Variants in PI15 observed in about 807,000 individuals in gnomAD.
The protein encoded by PI15 is 25 kDa trypsin inhibitor.
PI15 carries 18 observed loss-of-function variants against 31.0 expected under a neutral mutation model. The observed-to-expected ratio is 0.58, with a 90% CI of 0.40 to 0.86. The LOEUF (loss-of-function observed/expected upper bound fraction) is 0.86, where lower values mean the gene tolerates loss of function less well. Among genes scored for constraint, PI15 ranks in the 40% least tolerant of loss-of-function variants. The pLI is 0.00. For synonymous variants in PI15, 118 were observed against 119.1 expected, an observed-to-expected ratio of 0.99 and a Z score of 0.06; for missense variants, 282 against 328.1, an observed-to-expected ratio of 0.86 and a Z score of 1.09.
At chr8:74,844,281 T>C (rs1156549367) in intron 3 of PI15, among the ~76,000 whole-genome samples, 182 bp downstream of exon 3, 1 of 152,202 alleles carries the variant, frequency 6.6e-6, no homozygotes, top group Non-Finnish European at 1.5e-5. Flanking sequence ...TTAATTAGGC[T>C]AAAGGGCCAG....
At chr8:74,830,943 T>C (rs974627389) in intron 2 of PI15, among the ~76,000 whole-genome samples, 2 of 152,176 alleles carry the variant, frequency 1.3e-5, no homozygotes, top group East Asian at 3.9e-4. Context: ...AACTCTACAT[T>C]CCTGCTCTCC....
chr8:74,847,381 G>A (rs1490229858), intron 5 of PI15, among the ~76,000 whole-genome samples: 1 of 151,730 alleles, frequency 6.6e-6, no homozygotes, highest in African/African-American at 2.4e-5. Context: ...GGTGGTGGAG[G>A]TTGCAGTGAG....
At chr8:74,827,507 C>T (rs1256481901) in intron 2 of PI15, among the ~76,000 whole-genome samples, 2 of 152,132 alleles carry the variant, frequency 1.3e-5, no homozygotes, top group Admixed American at 6.6e-5. Flanking sequence ...TCACATTCTC[C>T]GTGTGAGGTT....
Position 74,844,076 on chromosome 8 carries a change from A to G in PI15, c.369A>G (p.Gln123=). ...CTTACTTACTGAGATTTTTGGGCCAAAATCTATCTGTACGCACTGGAAGGT... is the reference window on the plus strand; with the variant it reads ...CTTACTTACTGAGATTTTTGGGCCAGAATCTATCTGTACGCACTGGAAGGT... ...GPSYLLRFLG[Q]NLSVRTGRYR... The change falls in exon 3 of 6, where the codon CAA becomes CAG. Residue 123 remains glutamine, a synonymous_variant. Coordinates refer to ENST00000260113, the MANE Select transcript of PI15 (RefSeq NM_015886.5). 1 of 1,549,212 alleles carries G rather than the reference A, an allele frequency of 6.5e-7. No individual in the cohort carries two copies. The highest frequency in any genetic ancestry group is 8.9e-7 in the Non-Finnish European group (1 of 1,120,728).
At chr8:74,841,306 T>C (rs1218394313) in intron 2 of PI15, among the ~76,000 whole-genome samples, 1 of 152,134 alleles carries the variant, frequency 6.6e-6, no homozygotes, top group Non-Finnish European at 1.5e-5. Context: ...CAGGTCTTCC[T>C]TGCTCTGATG....
chr8:74,849,701 G>A lies in PI15; in HGVS notation c.*448G>A, dbSNP rs1413276915. 1 of 152,280 alleles carries A rather than the reference G, an allele frequency of 6.6e-6. No individual in the cohort carries two copies. Among genetic ancestry groups the A allele is most frequent in the Admixed American group, 6.6e-5 (1 of 15,260 alleles). The allele number at this position is 152,280 out of a possible 1,614,324, so 9.4% of individuals were successfully genotyped here. On this transcript the variant is annotated 3_prime_UTR_variant, in exon 6 of 6. Coordinates refer to ENST00000260113, the MANE Select transcript of PI15 (RefSeq NM_015886.5). ...ATATGATTCAGTAGTCAACTTGAGG[G>A]AAATTTTTAAAAAACTATTCTCAAT...
chr8:74,836,483 G>A (rs974210641), intron 2 of PI15, among the ~76,000 whole-genome samples: 1 of 152,260 alleles, frequency 6.6e-6, no homozygotes. Flanking sequence ...AATACCATCA[G>A]CAAATAATTG....
chr8:74,849,082 T>G (rs1433085219), intron 5 of PI15, 36 bp from the exon 6 acceptor site: 4 of 1,594,232 alleles, frequency 2.5e-6, no homozygotes, highest in Non-Finnish European at 3.4e-6. Flanking sequence ...AATGGGTGGG[T>G]TGCACTAATG....
intron 2 of PI15, among the ~76,000 whole-genome samples, chr8:74,841,095 T>C (rs1434755749): frequency 6.6e-6 from 1 of 152,162 alleles, no homozygotes; most frequent in African/African-American, 2.4e-5. Context: ...TTAAAGTTGT[T>C]AAATGCCTTA....
chr8:74,838,523 T>A (rs1810901496), intron 2 of PI15, among the ~76,000 whole-genome samples: 1 of 152,076 alleles, frequency 6.6e-6, no homozygotes, highest in African/African-American at 2.4e-5. Context: ...ACCCAGGTAG[T>A]GAGCATAATG....
intron 5 of PI15, among the ~76,000 whole-genome samples, chr8:74,848,732 T>TATATAGAGAGAGAGAG (rs1191072583): frequency 1.8e-3 from 241 of 136,342 alleles, no homozygotes; most frequent in African/African-American, 6.1e-3. Flanking sequence ...TATATATATA[T>TATATAGAGAGAGAGAG]AGAGAGAGAG....
chr8:74,838,282 T>C (rs910299284), intron 2 of PI15, among the ~76,000 whole-genome samples: 3 of 152,090 alleles, frequency 2.0e-5, no homozygotes, highest in Non-Finnish European at 4.4e-5. Context: ...TATATGCATA[T>C]ATATTTTAAA....
intron 2 of PI15, among the ~76,000 whole-genome samples, chr8:74,826,857 A>G (rs555155940): frequency 4.6e-5 from 7 of 152,220 alleles, no homozygotes; most frequent in African/African-American, 1.7e-4. Context: ...TTCAACAAAC[A>G]TTAGTTTTGA....
At chr8:74,834,272 T>C (rs968725822) in intron 2 of PI15, among the ~76,000 whole-genome samples, 1 of 152,180 alleles carries the variant, frequency 6.6e-6, no homozygotes, top group Non-Finnish European at 1.5e-5. Context: ...GGATTTCATC[T>C]GAGGATATTG....
intron 2 of PI15, among the ~76,000 whole-genome samples, chr8:74,832,837 C>T (rs1328837144): frequency 2.6e-5 from 4 of 152,066 alleles, no homozygotes; most frequent in Non-Finnish European, 4.4e-5. Context: ...CCCAACAAGA[C>T]TAAACTTCTC....
chr8:74,840,828 G>T (rs191241860), intron 2 of PI15, among the ~76,000 whole-genome samples: 4 of 152,260 alleles, frequency 2.6e-5, no homozygotes, highest in Middle Eastern at 3.4e-3. Flanking sequence ...AACACAGTGA[G>T]AGAAAGCAAT....
chr8:74,848,438 A>C (rs1024672476), intron 5 of PI15, among the ~76,000 whole-genome samples: 2 of 151,810 alleles, frequency 1.3e-5, no homozygotes, highest in African/African-American at 4.8e-5. Flanking sequence ...CTTATTACTC[A>C]TTTCATTATT....
At chr8:74,829,620 A>G (rs1292422218) in intron 2 of PI15, among the ~76,000 whole-genome samples, 1 of 152,154 alleles carries the variant, frequency 6.6e-6, no homozygotes, top group Non-Finnish European at 1.5e-5. Flanking sequence ...AAGAAAACAA[A>G]CATTTTTGTC....
rs899942216 is a variant in PI15 at position 74,849,599 on chromosome 8, A to G, written c.*346A>G. 6.4e-5 allele frequency: 11 copies of G among 171,480 alleles called. No individual in the cohort carries two copies. The highest frequency in any genetic ancestry group is 2.4e-4 in the African/African-American group (10 of 41,914). The allele number at this position is 171,480 out of a possible 1,614,324, so 10.6% of individuals were successfully genotyped here. On this transcript the variant is annotated 3_prime_UTR_variant, in exon 6 of 6. Coordinates refer to ENST00000260113, the MANE Select transcript of PI15 (RefSeq NM_015886.5). ...ATTTGACCTGTAAGTGTGTGTATGT[A>G]TACATATACATATGTATGTGTATGG...
Sources: allele counts gnomAD v4.1 joint callset (sites outside exome capture counted in the v4.1 genomes callset), GRCh38; gene constraint gnomAD v4.1.1; transcripts MANE v1.5; gene names NCBI Gene and HGNC (gene_info 2026-07-23, HGNC 2026-07-21).